ZFAND3: variants seen among roughly 807,000 people sequenced by gnomAD.
ZFAND3 encodes zinc finger AN1-type containing 3, also known as AN1-type zinc finger protein 3.
Under a neutral mutation model 29.6 loss-of-function variants are expected in ZFAND3, and 10 were observed. That is an observed-to-expected ratio of 0.34 (90% CI 0.21 to 0.57). The LOEUF is 0.57. Among genes scored for constraint, ZFAND3 ranks in the 20% least tolerant of loss-of-function variants. The pLI is 0.86. For synonymous variants in ZFAND3, 128 were observed against 112.6 expected (o/e 1.14, Z -0.87); for missense variants, 230 against 304.5 (o/e 0.76, Z 1.82).
At chr6:37,849,732 C>T (rs915291421) in intron 1 of ZFAND3, among the ~76,000 whole-genome samples, 1 of 152,100 alleles carries the variant, frequency 6.6e-6, no homozygotes, top group East Asian at 1.9e-4. Context: ...TAAAACTTCA[C>T]TCCTTTTAAA....
chr6:37,853,240 A>G (rs377577826), intron 1 of ZFAND3, among the ~76,000 whole-genome samples: 1 of 152,028 alleles, frequency 6.6e-6, no homozygotes, highest in African/African-American at 2.4e-5. Context: ...GATGGGTGAG[A>G]GAAGAAAATT....
At chr6:38,045,972 G>C (rs1330214573) in intron 2 of ZFAND3, among the ~76,000 whole-genome samples, 1 of 152,194 alleles carries the variant, frequency 6.6e-6, no homozygotes, top group Admixed American at 6.5e-5. Context: ...AGCGAACAGT[G>C]TTCTCAGTAA....
intron 1 of ZFAND3, among the ~76,000 whole-genome samples, chr6:37,876,676 CATG>C (rs777381771): frequency 6.6e-6 from 1 of 152,132 alleles, no homozygotes; most frequent in East Asian, 1.9e-4. Flanking sequence ...GAATGGCTGA[CATG>C]GTGTGTGTCT....
intron 3 of ZFAND3, among the ~76,000 whole-genome samples, chr6:38,067,245 G>C (rs762571190): frequency 1.3e-5 from 2 of 152,120 alleles, no homozygotes; most frequent in Non-Finnish European, 2.9e-5. Flanking sequence ...ATCTGTATTT[G>C]GTTGAAAAAA....
intron 1 of ZFAND3, among the ~76,000 whole-genome samples, chr6:37,929,668 G>A (rs1410061937): frequency 6.6e-6 from 1 of 151,952 alleles, no homozygotes; most frequent in Non-Finnish European, 1.5e-5. Context: ...TGAACTTGCT[G>A]CTATATAAGC....
chr6:38,069,104 G>A (rs1486021956), intron 3 of ZFAND3, among the ~76,000 whole-genome samples: 3 of 151,772 alleles, frequency 2.0e-5, no homozygotes, highest in Non-Finnish European at 4.4e-5. Flanking sequence ...GCCACCAAGC[G>A]GCTAAACTTC....
At chr6:38,054,023 C>T (rs1686439607) in intron 2 of ZFAND3, among the ~76,000 whole-genome samples, 1 of 151,316 alleles carries the variant, frequency 6.6e-6, no homozygotes, top group African/African-American at 2.4e-5. Flanking sequence ...CATTTATCAT[C>T]ATTAGGATAT....
chr6:38,079,833 A>G (rs935740153), intron 3 of ZFAND3, among the ~76,000 whole-genome samples: 2 of 152,022 alleles, frequency 1.3e-5, no homozygotes, highest in Admixed American at 6.6e-5. Flanking sequence ...GTCCACCCCA[A>G]TCTCTTACAT....
chr6:37,901,218 C>A (rs1026795715), intron 1 of ZFAND3, among the ~76,000 whole-genome samples: 1 of 152,020 alleles, frequency 6.6e-6, no homozygotes, highest in Non-Finnish European at 1.5e-5. Flanking sequence ...ATCGTATATT[C>A]CTACCGATAG....
intron 4 of ZFAND3, among the ~76,000 whole-genome samples, chr6:38,096,641 G>T (rs958078496): frequency 9.2e-5 from 14 of 152,174 alleles, no homozygotes; most frequent in African/African-American, 1.7e-4. Flanking sequence ...CTTTGTGGGG[G>T]TTTTTTTGTT....
intron 3 of ZFAND3, among the ~76,000 whole-genome samples, chr6:38,079,735 A>G (rs991776138): frequency 6.6e-6 from 1 of 152,154 alleles, no homozygotes; most frequent in Admixed American, 6.5e-5. Context: ...ATACCGAGTT[A>G]GGGGTAATCA....
At chr6:37,853,507 C>T (rs1052304667) in intron 1 of ZFAND3, among the ~76,000 whole-genome samples, 2 of 150,590 alleles carry the variant, frequency 1.3e-5, no homozygotes, top group Non-Finnish European at 2.9e-5. Flanking sequence ...ACTCTTACTA[C>T]TAGAATTCAG....
intron 1 of ZFAND3, among the ~76,000 whole-genome samples, chr6:37,893,038 G>C (rs1029373591): frequency 2.0e-5 from 3 of 151,956 alleles, no homozygotes; most frequent in African/African-American, 7.3e-5. Flanking sequence ...ATTAATACCA[G>C]TTCTACACAC....
intron 2 of ZFAND3, among the ~76,000 whole-genome samples, chr6:37,945,946 A>T (rs1761894375): frequency 6.6e-6 from 1 of 152,192 alleles, no homozygotes; most frequent in South Asian, 2.1e-4. Context: ...TTGGTCAGTG[A>T]TTCTAGTTGC....
chr6:37,987,413 T>C (rs1762689123), intron 2 of ZFAND3, among the ~76,000 whole-genome samples: 1 of 152,258 alleles, frequency 6.6e-6, no homozygotes, highest in Non-Finnish European at 1.5e-5. Flanking sequence ...GTAGTAGGCA[T>C]AGAATTCATT....
At chr6:38,068,337 G>A (rs776593748) in intron 3 of ZFAND3, among the ~76,000 whole-genome samples, 6 of 152,150 alleles carry the variant, frequency 3.9e-5, no homozygotes, top group Non-Finnish European at 8.8e-5. Context: ...GTGTTTATAA[G>A]TAAAGTTTGA....
At chr6:37,914,667 T>TTC (rs1554157827) in intron 1 of ZFAND3, among the ~76,000 whole-genome samples, 3 of 112,402 alleles carry the variant, frequency 2.7e-5, no homozygotes, top group African/African-American at 1.1e-4. Flanking sequence ...TCTTTCTTTT[T>TTC]TTTTCTTTTT....
chr6:37,845,406 C>T (rs954928085), intron 1 of ZFAND3, among the ~76,000 whole-genome samples: 2 of 151,924 alleles, frequency 1.3e-5, no homozygotes, highest in Non-Finnish European at 1.5e-5. Context: ...AAACCTGTTT[C>T]GTTGTCTTTG....
intron 2 of ZFAND3, among the ~76,000 whole-genome samples, chr6:37,955,782 A>C (rs1278411324): frequency 6.6e-6 from 1 of 152,236 alleles, no homozygotes; most frequent in Non-Finnish European, 1.5e-5. Context: ...ACCAGTATAA[A>C]GTCCCAGATC....
Sources: allele counts gnomAD v4.1 joint callset (sites outside exome capture counted in the v4.1 genomes callset), GRCh38; gene constraint gnomAD v4.1.1; transcripts MANE v1.5; gene names NCBI Gene and HGNC (gene_info 2026-07-23, HGNC 2026-07-21).